Variants in JAKMIP1 observed in about 807,000 individuals in gnomAD.
JAKMIP1 encodes the protein janus kinase and microtubule interacting protein 1.
Under a neutral mutation model 113.0 loss-of-function variants are expected in JAKMIP1, and 33 were observed. The ratio of observed to expected loss-of-function variants is 0.29; its 90% CI spans 0.22 to 0.39. The LOEUF is 0.39. JAKMIP1 is among the 10% of genes least tolerant of loss of function. The pLI, the probability that JAKMIP1 is intolerant of heterozygous loss-of-function variation, is 1.00. For synonymous variants in JAKMIP1, 480 were observed against 459.9 expected (o/e 1.04, Z -0.56); for missense variants, 813 against 1,080.5 (o/e 0.75, Z 3.47).
In JAKMIP1 at chr4:6,061,368, C is replaced by T. The variant is rs1012597135; in HGVS notation, c.1561-861G>A. 2.6e-5 allele frequency among the ~76,000 whole-genome samples: 4 copies of T among 152,204 alleles called. No individual in the cohort carries two copies. The highest frequency in any genetic ancestry group is 4.4e-5 in the Non-Finnish European group (3 of 68,038). ...TCACTCCCCCTTACTCCTGGCTCCC[C>T]GCTACAGGGCCACTGCTGCCCCTGG... is the stretch of plus-strand genomic sequence containing the variant. On this transcript the variant is annotated intron_variant, in intron 10 of 20. Transcript: ENST00000409021. The surrounding 1 kb of genome is among the most constrained non-coding windows in gnomAD (Gnocchi z 5.3).
intron 11 of JAKMIP1, among the ~76,000 whole-genome samples, chr4:6,058,353 C>A (rs973596637): frequency 5.3e-5 from 8 of 152,324 alleles, no homozygotes; most frequent in African/African-American, 1.9e-4. Context: ...TTGTTAAGCC[C>A]CTCCTATGTA....
chr4:6,070,048 G>C (rs1718742113), intron 8 of JAKMIP1: 1 of 398,636 alleles, frequency 2.5e-6, no homozygotes, highest in Non-Finnish European at 4.4e-6. Flanking sequence ...CCCCGAACCA[G>C]CTGCCTACCT....
intron 1 of JAKMIP1, among the ~76,000 whole-genome samples, chr4:6,164,146 T>G (rs76720730): frequency 0.032 from 4,801 of 152,300 alleles, 217 homozygotes; most frequent in African/African-American, 0.11. Flanking sequence ...TAGGACTTTC[T>G]GAGTTAAAAA....
chr4:6,123,594 G>T (rs369989603), intron 1 of JAKMIP1, among the ~76,000 whole-genome samples: 2 of 152,342 alleles, frequency 1.3e-5, no homozygotes, highest in South Asian at 2.1e-4. Flanking sequence ...CCCAAGGCAG[G>T]AGGATGGTTG....
rs1716891828 is a variant in JAKMIP1, at chr4:6,059,114, T to C, written c.1644+1310A>G. ...GCCCTCTGACCCAGGTGGCCAGCTA[T>C]AGCATGTGAGCTCTGCGTCACGATC... On this transcript the variant is annotated intron_variant, in intron 11 of 20. Transcript: ENST00000409021. The surrounding 1 kb of genome is among the most constrained non-coding windows in gnomAD (Gnocchi z 4.8). Among the ~76,000 whole-genome samples, 1 of 152,226 alleles carries C rather than the reference T, an allele frequency of 6.6e-6. No homozygotes were observed. Among genetic ancestry groups the C allele is most frequent in the African/African-American group, 2.4e-5 (1 of 41,456 alleles).
intron 1 of JAKMIP1, among the ~76,000 whole-genome samples, chr4:6,144,147 T>C (rs982950971): frequency 3.9e-5 from 6 of 152,182 alleles, no homozygotes; most frequent in African/African-American, 1.4e-4. Context: ...CTGATGCAAA[T>C]TGGTCCTTTA....
At chr4:6,112,617 C>G in intron 2 of JAKMIP1, 105 bp downstream of exon 2, 1 of 1,379,688 alleles carries the variant, frequency 7.2e-7, no homozygotes, top group East Asian at 2.3e-5. Context: ...TGCCCCCCCT[C>G]GGCCCCCCTC....
rs145921745 is a variant in JAKMIP1 at position 6,195,494 on chromosome 4, C to G, written c.-148+4759G>C. ...AGGTGCTAGGCCATCAAGGAATTGT[C>G]AACAAATTTTTGAAAATAGATATCA... is the stretch of plus-strand genomic sequence containing the variant. On this transcript the variant is annotated intron_variant, in intron 1 of 20. Transcript: ENST00000409021. Among the ~76,000 whole-genome samples, 358 of 152,188 alleles carry G rather than the reference C, an allele frequency of 2.4e-3. 1 individual carries two copies. The highest frequency in any genetic ancestry group is 8.3e-3 in the African/African-American group (343 of 41,534).
At chr4:6,100,117 T>G (rs1310664869) in intron 3 of JAKMIP1, among the ~76,000 whole-genome samples, 1 of 152,242 alleles carries the variant, frequency 6.6e-6, no homozygotes, top group Non-Finnish European at 1.5e-5. Context: ...ATTTTAGAGT[T>G]TAATTTATAA....
chr4:6,072,020 C>T (rs539241661), intron 8 of JAKMIP1, among the ~76,000 whole-genome samples: 1 of 152,338 alleles, frequency 6.6e-6, no homozygotes, highest in African/African-American at 2.4e-5. Flanking sequence ...AAGAAGCTGC[C>T]TTTCCTTTTG....
At chr4:6,045,150 T>C (rs534515254) in intron 16 of JAKMIP1, among the ~76,000 whole-genome samples, 7 of 152,366 alleles carry the variant, frequency 4.6e-5, no homozygotes, top group African/African-American at 1.7e-4. Context: ...GGCCAACTAT[T>C]AGAAAGTCAG....
In JAKMIP1 at chr4:6,080,752, C is replaced by A. The variant is rs1227827413; in HGVS notation, c.1102-440G>T. Among the ~76,000 whole-genome samples, 1 of 152,088 alleles carries A rather than the reference C, an allele frequency of 6.6e-6. No homozygotes were observed. The highest frequency in any genetic ancestry group is 6.5e-5 in the Admixed American group (1 of 15,268). ...TCTTTTTCTTTACAAATTACCCAGT[C>A]TCAGGTATGCCTTTATCAGCAGTGT... On this transcript the variant is annotated intron_variant, in intron 6 of 20. Transcript: ENST00000409021. The surrounding 1 kb of genome is among the most constrained non-coding windows in gnomAD (Gnocchi z 6.0).
chr4:6,049,726 G>T lies in JAKMIP1; in HGVS notation c.1962+93C>A. 1 of 935,918 alleles carries T rather than the reference G, an allele frequency of 1.1e-6. No homozygotes were observed. The highest frequency in any genetic ancestry group is 1.4e-5 in the South Asian group (1 of 69,798). 58.0% of individuals were successfully genotyped at this position (935,918 alleles called of 1,614,324 possible). A position where few individuals can be genotyped will look rare whatever the true frequency, so the allele number is the denominator to read the frequency against. ...TACTTCTTAGATCTCTTACATCAGA[G>T]AGAAATTAAAAACAAAACAAAACAA... On this transcript the variant is annotated intron_variant, in intron 15 of 20. Coordinates refer to ENST00000409021, the MANE Select transcript of JAKMIP1 (RefSeq NM_001099433.2). The surrounding 1 kb of genome is among the most constrained non-coding windows in gnomAD (Gnocchi z 7.0).
At chr4:6,084,990 A>G in intron 4 of JAKMIP1, 25 bp from the exon 5 acceptor site, 1 of 1,551,068 alleles carries the variant, frequency 6.4e-7, no homozygotes, top group Non-Finnish European at 8.6e-7. Context: ...AAAAAAAAAA[A>G]AAAAGTCAAG....
intron 1 of JAKMIP1, among the ~76,000 whole-genome samples, chr4:6,119,376 TCTCGGCTAAA>T: frequency 6.6e-6 from 1 of 151,930 alleles, no homozygotes. Flanking sequence ...GAAACCCCCC[TCTCGGCTAAA>T]TGTACAAATT....
intron 1 of JAKMIP1, among the ~76,000 whole-genome samples, chr4:6,131,821 A>G (rs1359646907): frequency 6.6e-6 from 1 of 152,240 alleles, no homozygotes; most frequent in Admixed American, 6.5e-5. Flanking sequence ...GAGAAGAGGA[A>G]AAAACTCACC....
rs906631369 is a variant in JAKMIP1 at position 6,143,755 on chromosome 4, T to A, written c.-147-30758A>T. The stretch of plus-strand genomic sequence containing the variant: ...TGTGGGTTTTAACAAGTCCTCTGAG[T>A]GATTCTAACACACGCTGCTCTAGAA... On this transcript the variant is annotated intron_variant, in intron 1 of 20. Coordinates refer to ENST00000409021, the MANE Select transcript of JAKMIP1 (RefSeq NM_001099433.2). The surrounding 1 kb of genome is among the most constrained non-coding windows in gnomAD (Gnocchi z 4.9). 7.9e-5 allele frequency among the ~76,000 whole-genome samples: 12 copies of A among 152,104 alleles called. No individual in the cohort carries two copies. Among genetic ancestry groups the A allele is most frequent in the Admixed American group, 6.5e-5 (1 of 15,274 alleles).
At chr4:6,175,347 G>A (rs1323228609) in intron 1 of JAKMIP1, among the ~76,000 whole-genome samples, 3 of 152,154 alleles carry the variant, frequency 2.0e-5, no homozygotes, top group Non-Finnish European at 2.9e-5. Context: ...CTCTACCAAC[G>A]GTCTCTACAT....
rs889661352 is a variant in JAKMIP1 at position 6,199,719 on chromosome 4, G to C, written c.-148+534C>G. On this transcript the variant is annotated intron_variant, in intron 1 of 20. Coordinates refer to ENST00000409021, the MANE Select transcript of JAKMIP1 (RefSeq NM_001099433.2). This position sits in a 1 kb window ranked among gnomAD's most constrained non-coding sequence, Gnocchi z 5.6. ...GGTGGGGTGCGGGCTGGGCGGCCTC[G>C]CCTTCGGGCCCCGCGCCGCCGGGGC... Among the ~76,000 whole-genome samples the C allele has an allele frequency of 5.3e-5, 8 of 151,488 alleles. No homozygotes were observed. Among genetic ancestry groups the C allele is most frequent in the African/African-American group, 1.7e-4 (7 of 41,330 alleles).
Sources: gnomAD v4.1 joint callset for allele counts (sites outside exome capture counted in the v4.1 genomes callset) on GRCh38, gnomAD v4.1.1 for gene constraint, Gnocchi (gnomAD v3.1) non-coding constraint, MANE v1.5 for transcripts, NCBI Gene and HGNC (gene_info 2026-07-23, HGNC 2026-07-21) for gene names.